Variants in GRM1 observed in about 807,000 individuals in gnomAD.
GRM1 encodes metabotropic glutamate receptor 1.
GRM1 carries 33 observed loss-of-function variants against 90.9 expected under a neutral mutation model. That is an observed-to-expected ratio of 0.36 (90% CI 0.28 to 0.49). GRM1 has a LOEUF of 0.49. Ranked by LOEUF, GRM1 falls within the 20% of genes least tolerant of loss-of-function variation. The probability of loss-of-function intolerance (pLI) is 0.99; values close to 1 mark genes in which losing one functional copy is unlikely to be tolerated. For missense variants in GRM1, 1,190 were observed against 1,534.3 expected, an observed-to-expected ratio of 0.78 and a Z score of 3.75; for synonymous variants, 700 against 613.2, an observed-to-expected ratio of 1.14 and a Z score of -2.09.
chr6:146,043,915 A>G (rs997811634), intron 1 of GRM1, among the ~76,000 whole-genome samples: 2 of 151,340 alleles, frequency 1.3e-5, no homozygotes, highest in African/African-American at 4.8e-5. Flanking sequence ...AACTGTGGAA[A>G]CTGGAGGTAT....
intron 2 of GRM1, among the ~76,000 whole-genome samples, chr6:146,231,407 G>A (rs915115146): frequency 3.3e-5 from 5 of 152,026 alleles, no homozygotes; most frequent in African/African-American, 4.8e-5. Flanking sequence ...TCCACTGACC[G>A]GAATTTGCAG....
At chr6:146,103,496 G>A (rs887700002) in intron 1 of GRM1, among the ~76,000 whole-genome samples, 4 of 152,106 alleles carry the variant, frequency 2.6e-5, no homozygotes, top group African/African-American at 7.2e-5. Context: ...GCTTGACATC[G>A]TCCTCTGCCC....
chr6:146,407,802 T>C (rs1294284858), intron 7 of GRM1, among the ~76,000 whole-genome samples: 1 of 152,186 alleles, frequency 6.6e-6, no homozygotes, highest in Non-Finnish European at 1.5e-5. Flanking sequence ...ATAATGTATT[T>C]ATTATTCACG....
intron 2 of GRM1, among the ~76,000 whole-genome samples, chr6:146,231,969 G>A (rs1228856986): frequency 6.6e-6 from 1 of 151,916 alleles, no homozygotes; most frequent in East Asian, 1.9e-4. Context: ...CTACATTCTG[G>A]GAAAGTTAGT....
chr6:146,196,310 C>A (rs537704594), intron 2 of GRM1, among the ~76,000 whole-genome samples: 1 of 120,090 alleles, frequency 8.3e-6, no homozygotes, highest in Non-Finnish European at 1.6e-5. Context: ...TTTTTTTTGA[C>A]GGAGTCGCTC....
At chr6:146,251,442 A>C (rs1331822413) in intron 2 of GRM1, among the ~76,000 whole-genome samples, 2 of 152,206 alleles carry the variant, frequency 1.3e-5, no homozygotes, top group African/African-American at 4.8e-5. Context: ...ACAAATCAGC[A>C]GACCTAGAGA....
Position 146,120,149 on chromosome 6 carries a change from C to T in GRM1, c.701-39199C>T, listed in dbSNP as rs191306892. ...TGCTTTGTAGTTCTACTTGAAGAGG[C>T]CTTTCACATCCCTTGTAAGGTGGAT... On this transcript the variant is annotated intron_variant, in intron 1 of 7. Coordinates refer to ENST00000282753, the MANE Select transcript of GRM1 (RefSeq NM_001278064.2). Among the ~76,000 whole-genome samples the T allele has an allele frequency of 1.1e-3, 170 of 152,198 alleles. 1 individual carries two copies. Among genetic ancestry groups the T allele is most frequent in the African/African-American group, 2.9e-3 (120 of 41,534 alleles).
intron 2 of GRM1, among the ~76,000 whole-genome samples, chr6:146,200,367 A>T (rs1779261072): frequency 6.6e-6 from 1 of 152,138 alleles, no homozygotes; most frequent in Non-Finnish European, 1.5e-5. Context: ...ACTTAGCAAT[A>T]ACCAGACAAT....
chr6:146,403,388 G>A (rs565827290), intron 7 of GRM1, among the ~76,000 whole-genome samples: 1 of 152,050 alleles, frequency 6.6e-6, no homozygotes, highest in Non-Finnish European at 1.5e-5. Flanking sequence ...ATGCAAAATT[G>A]TGTACAAAAC....
At chr6:146,131,964 G>A (rs996569610) in intron 1 of GRM1, among the ~76,000 whole-genome samples, 3 of 152,180 alleles carry the variant, frequency 2.0e-5, no homozygotes, top group Non-Finnish European at 4.4e-5. Flanking sequence ...ATGAATAGGA[G>A]TAAGCCTAGC....
intron 5 of GRM1, among the ~76,000 whole-genome samples, chr6:146,378,445 G>A (rs1341810953): frequency 6.6e-6 from 1 of 152,240 alleles, no homozygotes; most frequent in African/African-American, 2.4e-5. Flanking sequence ...TCTTGCATCA[G>A]CAAGACCTGG....
intron 3 of GRM1, among the ~76,000 whole-genome samples, chr6:146,351,932 G>A (rs1422839382): frequency 6.6e-6 from 1 of 152,172 alleles, no homozygotes; most frequent in Non-Finnish European, 1.5e-5. Context: ...AACAAAGAGG[G>A]AGTAAGAGTT....
intron 2 of GRM1, among the ~76,000 whole-genome samples, chr6:146,255,638 G>C (rs1049733778): frequency 4.6e-5 from 7 of 151,990 alleles, no homozygotes; most frequent in Non-Finnish European, 7.4e-5. Flanking sequence ...TCTTGAATTT[G>C]TCCTCTTTCA....
chr6:146,077,538 C>G (rs944401384), intron 1 of GRM1, among the ~76,000 whole-genome samples: 1 of 152,154 alleles, frequency 6.6e-6, no homozygotes, highest in Non-Finnish European at 1.5e-5. Flanking sequence ...AGAACAAGCA[C>G]TAGCTGGACT....
intron 3 of GRM1, among the ~76,000 whole-genome samples, chr6:146,322,299 T>C (rs1055232057): frequency 6.6e-6 from 1 of 152,158 alleles, no homozygotes; most frequent in African/African-American, 2.4e-5. Flanking sequence ...ACCCACCAGA[T>C]GCCCGCTGGA....
intron 3 of GRM1, among the ~76,000 whole-genome samples, chr6:146,310,777 C>T (rs1783744624): frequency 6.6e-6 from 1 of 152,160 alleles, no homozygotes; most frequent in Non-Finnish European, 1.5e-5. Context: ...ACAGGATGAC[C>T]TCTCAGTTGA....
Position 146,434,322 on chromosome 6 carries a change from G to T in GRM1, c.3111G>T (p.Val1037=), listed in dbSNP as rs750679728. The T allele has an allele frequency of 2.5e-6, 4 of 1,610,854 alleles. No homozygotes were observed. The highest frequency in any genetic ancestry group is 1.7e-4 in the Middle Eastern group (1 of 6,050). The part of the protein sequence containing the change: ...QKSLMDQLQG[V]VSNFSTAIPD... ...CGCTGATGGACCAGCTCCAGGGAGT[G>T]GTCAGCAACTTCAGTACCGCGATCC... Residue 1037 remains valine (V), a synonymous_variant, in exon 8 of 8, where the codon GTG becomes GTT. Transcript: ENST00000282753.
chr6:146,228,473 G>C (rs576529848), intron 2 of GRM1, among the ~76,000 whole-genome samples: 3 of 152,058 alleles, frequency 2.0e-5, no homozygotes, highest in Admixed American at 2.0e-4. Flanking sequence ...ATTCCTGAAG[G>C]CTCCACCCTC....
chr6:146,376,429 C>A (rs1776100807), intron 5 of GRM1, among the ~76,000 whole-genome samples: 1 of 152,084 alleles, frequency 6.6e-6, no homozygotes, highest in Admixed American at 6.6e-5. Flanking sequence ...GATGGAAGTA[C>A]TCCCTTAAGT....
Sources: gnomAD v4.1 joint callset for allele counts (sites outside exome capture counted in the v4.1 genomes callset) on GRCh38, gnomAD v4.1.1 for gene constraint, MANE v1.5 for transcripts, NCBI Gene and HGNC (gene_info 2026-07-23, HGNC 2026-07-21) for gene names.